The following SCYL2 variants were observed in gnomAD, a reference collection of about 807,000 sequenced individuals.
SCYL2 encodes SCY1 like pseudokinase 2.
A neutral mutation model predicts 100.4 loss-of-function variants in SCYL2; 36 were observed. The ratio of observed to expected loss-of-function variants is 0.36; its 90% CI spans 0.27 to 0.47. SCYL2 has a LOEUF of 0.47. Ranked by LOEUF, SCYL2 falls within the 20% of genes least tolerant of loss-of-function variation. The pLI is 1.00. For synonymous variants in SCYL2, 330 were observed against 359.2 expected (o/e 0.92, Z 0.92); for missense variants, 902 against 1,083.9 (o/e 0.83, Z 2.36).
chr12:100,295,544 C>T (rs1203266259), intron 3 of SCYL2, among the ~76,000 whole-genome samples: 1 of 151,794 alleles, frequency 6.6e-6, no homozygotes, highest in Non-Finnish European at 1.5e-5. Context: ...AAAAAAAATA[C>T]GAAAACCAGT....
intron 10 of SCYL2, among the ~76,000 whole-genome samples, chr12:100,319,580 C>T (rs148789407): frequency 0.014 from 2,103 of 152,220 alleles, 24 homozygotes; most frequent in Non-Finnish European, 0.018. Context: ...AGTGCAGTGG[C>T]GCAATCTTGG....
intron 10 of SCYL2, among the ~76,000 whole-genome samples, chr12:100,320,370 C>T (rs568131156): frequency 7.2e-5 from 11 of 152,088 alleles, no homozygotes; most frequent in African/African-American, 2.7e-4. Context: ...CATGGCGAAA[C>T]CCCGTCTCTA....
At chr12:100,294,757 C>A (rs1168106526) in intron 3 of SCYL2, among the ~76,000 whole-genome samples, 1 of 146,912 alleles carries the variant, frequency 6.8e-6, no homozygotes, top group Non-Finnish European at 1.5e-5. Flanking sequence ...CTGACCCCCC[C>A]ACCTCCCTCC....
chr12:100,281,398 C>T (rs1343604751), intron 1 of SCYL2, among the ~76,000 whole-genome samples: 1 of 151,772 alleles, frequency 6.6e-6, no homozygotes, highest in Non-Finnish European at 1.5e-5. Context: ...TATAAAATAC[C>T]AATTTGGGCT....
chr12:100,313,930 G>C (rs902150147), intron 7 of SCYL2, among the ~76,000 whole-genome samples: 19 of 149,784 alleles, frequency 1.3e-4, no homozygotes, highest in African/African-American at 4.7e-4. Flanking sequence ...ACCCAGGCTG[G>C]AGTGTAGTGG....
At position 100,338,832 on chromosome 12, in the gene SCYL2, T is replaced by C. The variant is rs1230603030; in HGVS notation, c.2450T>C (p.Phe817Ser). ...GGAACACCTCCCACTTTGCCAAACT[T>C]CAATGCTTTGAGTGTTCCTCCTGCT... ...TLGTPPTLPN[F>S]NALSVPPAGA... Residue 817 changes from phenylalanine to serine, a missense_variant, in exon 18 of 18, where the codon TTC (phenylalanine) becomes TCC (serine). By Grantham distance (155) the Phe-to-Ser change is radical. Transcript: ENST00000360820. 1 of 1,614,136 alleles carries C rather than the reference T, an allele frequency of 6.2e-7. No individual in the cohort carries two copies. The highest frequency in any genetic ancestry group is 1.1e-5 in the South Asian group (1 of 91,082).
At chr12:100,323,901 T>C (rs532973300) in intron 11 of SCYL2, 23 of 218,220 alleles carry the variant, frequency 1.1e-4, no homozygotes, top group Non-Finnish European at 2.0e-4. Flanking sequence ...TTAATCCTTT[T>C]CTGCTTTAAC....
At chr12:100,319,494 A>G (rs554995989) in intron 10 of SCYL2, among the ~76,000 whole-genome samples, 3 of 152,310 alleles carry the variant, frequency 2.0e-5, no homozygotes, top group South Asian at 4.1e-4. Context: ...TTGAAGTAGT[A>G]TATAATTCAG....
intron 13 of SCYL2, among the ~76,000 whole-genome samples, chr12:100,332,204 T>C (rs760978720): frequency 1.2e-4 from 18 of 152,186 alleles, no homozygotes; most frequent in African/African-American, 4.1e-4. Context: ...GGGAAACTTA[T>C]TAGAGACTCA....
intron 2 of SCYL2, among the ~76,000 whole-genome samples, chr12:100,287,742 T>A (rs1232314288): frequency 6.6e-6 from 1 of 152,240 alleles, no homozygotes; most frequent in Non-Finnish European, 1.5e-5. Flanking sequence ...AGTTGTTGAA[T>A]CTTAAGCAGA....
chr12:100,270,056 G>C (rs1465377567), intron 1 of SCYL2, among the ~76,000 whole-genome samples: 1 of 150,648 alleles, frequency 6.6e-6, no homozygotes, highest in South Asian at 2.1e-4. Context: ...GCGCGATCTC[G>C]GCTCACTGCA....
intron 3 of SCYL2, among the ~76,000 whole-genome samples, chr12:100,294,445 C>G (rs2096315319): frequency 1.6e-5 from 2 of 121,606 alleles, no homozygotes; most frequent in South Asian, 3.0e-4. Context: ...CCTCACTTCC[C>G]AGTAGGGGCG....
At chr12:100,311,314 T>C (rs2096341925) in intron 5 of SCYL2, 121 bp downstream of exon 5, 1 of 900,388 alleles carries the variant, frequency 1.1e-6, no homozygotes, top group Admixed American at 3.7e-5. Context: ...TTATAGAAAA[T>C]TTATAGTGTT....
chr12:100,335,611 C>G lies in SCYL2; in HGVS notation c.1863-14C>G. 3 of 1,549,424 alleles carry G rather than the reference C, an allele frequency of 1.9e-6. No individual in the cohort carries two copies. The highest frequency in any genetic ancestry group is 2.6e-6 in the Non-Finnish European group (3 of 1,138,936). On this transcript the variant is annotated splice_polypyrimidine_tract_variant and intron_variant, in intron 14 of 17. Transcript: ENST00000360820. ...TTCTTTTTATTGTTTTATCATAATT[C>G]AACTCTCCTACAGATCTTTGGATAT...
intron 2 of SCYL2, among the ~76,000 whole-genome samples, chr12:100,288,378 C>T (rs945874905): frequency 5.3e-5 from 8 of 151,864 alleles, no homozygotes; most frequent in Non-Finnish European, 8.8e-5. Flanking sequence ...AAGCCCCTGG[C>T]GTCAAACCAT....
chr12:100,335,450 A>G (rs975671101), intron 14 of SCYL2, 175 bp from the exon 15 acceptor site: 1 of 535,620 alleles, frequency 1.9e-6, no homozygotes, highest in Non-Finnish European at 3.3e-6. Flanking sequence ...TTACATACAA[A>G]TGTTATTTTT....
intron 3 of SCYL2, among the ~76,000 whole-genome samples, chr12:100,292,812 G>C (rs1419023399): frequency 6.6e-6 from 1 of 152,008 alleles, no homozygotes; most frequent in Non-Finnish European, 1.5e-5. Flanking sequence ...CCAAAAATAT[G>C]CTAATGTGTC....
intron 4 of SCYL2, among the ~76,000 whole-genome samples, chr12:100,304,821 T>C (rs1353019808): frequency 6.7e-6 from 1 of 149,394 alleles, no homozygotes; most frequent in Non-Finnish European, 1.5e-5. Flanking sequence ...ATCAAGCAAA[T>C]GGAAAGCAAA....
At chr12:100,276,800 T>C (rs910363218) in intron 1 of SCYL2, among the ~76,000 whole-genome samples, 2 of 152,094 alleles carry the variant, frequency 1.3e-5, no homozygotes, top group Admixed American at 1.3e-4. Context: ...CTTCTACTTA[T>C]TTTAATTTTC....
Sources: allele counts gnomAD v4.1 joint callset (sites outside exome capture counted in the v4.1 genomes callset), GRCh38; gene constraint gnomAD v4.1.1; transcripts MANE v1.5; gene names NCBI Gene and HGNC (gene_info 2026-07-23, HGNC 2026-07-21).